Variants in ST3GAL6 observed in about 807,000 individuals in gnomAD.
ST3GAL6 encodes type 2 lactosamine alpha-2,3-sialyltransferase.
In ST3GAL6, 31 loss-of-function variants were observed where a neutral mutation model predicts 40.5. The ratio of observed to expected loss-of-function variants is 0.77; its 90% CI spans 0.58 to 1.03. ST3GAL6 has a LOEUF of 1.03. ST3GAL6 is among the 50% of genes least tolerant of loss of function. The probability of loss-of-function intolerance (pLI) is 0.00; values close to 1 mark genes in which losing one functional copy is unlikely to be tolerated. For synonymous variants in ST3GAL6, 129 were observed against 136.9 expected (o/e 0.94, Z 0.40); for missense variants, 357 against 393.2 (o/e 0.91, Z 0.78).
At chr3:98,733,343 G>A (rs278370) in intron 1 of ST3GAL6, 1 of 1,114,244 alleles carries the variant, frequency 9.0e-7, no homozygotes, top group Non-Finnish European at 1.1e-6. Context: ...GGGGCCGAGA[G>A]AATCTGCTCT....
chr3:98,751,748 T>G (rs1253851672), intron 1 of ST3GAL6, among the ~76,000 whole-genome samples: 1 of 152,236 alleles, frequency 6.6e-6, no homozygotes, highest in Non-Finnish European at 1.5e-5. Context: ...TACCTTACTT[T>G]GCTGAAAGTC....
chr3:98,767,844 A>G (rs1320144238), intron 1 of ST3GAL6, among the ~76,000 whole-genome samples: 1 of 152,230 alleles, frequency 6.6e-6, no homozygotes, highest in African/African-American at 2.4e-5. Context: ...AATATACCTG[A>G]ACTGTGATGT....
intron 1 of ST3GAL6, chr3:98,732,672 A>C: frequency 3.7e-6 from 2 of 541,332 alleles, no homozygotes; most frequent in Non-Finnish European, 6.2e-6. Flanking sequence ...GAGCAGGAGG[A>C]GCTTCCCGCG....
chr3:98,787,306 C>T (rs1012124750), intron 6 of ST3GAL6, among the ~76,000 whole-genome samples: 2 of 152,066 alleles, frequency 1.3e-5, no homozygotes, highest in Admixed American at 6.5e-5. Context: ...TAAGTCTGTT[C>T]GTCTTATATT....
chr3:98,738,765 C>CT (rs1461121285), intron 1 of ST3GAL6, among the ~76,000 whole-genome samples: 1 of 152,188 alleles, frequency 6.6e-6, no homozygotes, highest in Non-Finnish European at 1.5e-5. Context: ...CAGTGGGAGA[C>CT]TTTAACACCC....
At position 98,787,892 on chromosome 3, in the gene ST3GAL6, T is replaced by A. The variant is rs1940875106; in HGVS notation, c.432-144T>A. 12 of 598,576 alleles carry A rather than the reference T, an allele frequency of 2.0e-5. No individual in the cohort carries two copies. The South Asian group carries it at 3.6e-4, about 18-fold the overall frequency. The allele number at this position is 598,576 out of a possible 1,614,324, so 37.1% of individuals were successfully genotyped here. A position where few individuals can be genotyped will look rare whatever the true frequency, so the allele number is the denominator to read the frequency against. On this transcript the variant is annotated intron_variant, in intron 6 of 9. Coordinates refer to ENST00000483910, the MANE Select transcript of ST3GAL6 (RefSeq NM_001323368.2). ...GAATGATCTCCTTGGCCATTATGTG[T>A]GAAAGATTGATCTATTGCTTTGTGG...
rs768324868 is a variant in ST3GAL6 at position 98,763,378 on chromosome 3, C to T, written c.-73C>T. The T allele has an allele frequency of 4.3e-5, 55 of 1,289,704 alleles. No homozygotes were observed. Among genetic ancestry groups the T allele is most frequent in the Admixed American group, 1.1e-4 (5 of 43,546 alleles). 79.9% of individuals were successfully genotyped at this position (1,289,704 alleles called of 1,614,324 possible). On this transcript the variant is annotated 5_prime_UTR_variant, in exon 1 of 10. The change creates a new upstream start codon in the 5' untranslated region. Transcript: ENST00000483910. Reference sequence around the variant, plus strand: ...GACCAGCAGAGACTAGGATGGATGACGGCCTGTCCAGGGGCTGAATGGACA... The same window carrying T: ...GACCAGCAGAGACTAGGATGGATGATGGCCTGTCCAGGGGCTGAATGGACA...
intron 1 of ST3GAL6, among the ~76,000 whole-genome samples, chr3:98,741,968 A>G (rs954955773): frequency 2.6e-5 from 4 of 152,224 alleles, no homozygotes; most frequent in South Asian, 2.1e-4. Context: ...GAGACATCCA[A>G]TGAGAAGAGT....
chr3:98,787,794 A>C (rs1213935342), intron 6 of ST3GAL6, among the ~76,000 whole-genome samples: 2 of 152,222 alleles, frequency 1.3e-5, no homozygotes, highest in African/African-American at 4.8e-5. Context: ...CTGAATTATC[A>C]TTGGCTCCAC....
intron 8 of ST3GAL6, among the ~76,000 whole-genome samples, chr3:98,790,712 G>A (rs994431777): frequency 2.6e-5 from 4 of 152,102 alleles, no homozygotes; most frequent in Non-Finnish European, 4.4e-5. Flanking sequence ...ATAAGAGTTT[G>A]TCAGGTGGTA....
intron 1 of ST3GAL6, among the ~76,000 whole-genome samples, chr3:98,755,837 C>T (rs146050659): frequency 4.6e-5 from 7 of 151,418 alleles, no homozygotes; most frequent in East Asian, 1.9e-4. Context: ...AAGTAGCCCA[C>T]GGCACATTTT....
At chr3:98,793,215 T>TA (rs779868655) in intron 9 of ST3GAL6, among the ~76,000 whole-genome samples, 6 of 152,214 alleles carry the variant, frequency 3.9e-5, no homozygotes, top group Non-Finnish European at 7.4e-5. Flanking sequence ...AGCAGAATAT[T>TA]AAAACAACTT....
intron 1 of ST3GAL6, among the ~76,000 whole-genome samples, chr3:98,736,722 G>C (rs1205136857): frequency 2.6e-5 from 4 of 152,228 alleles, no homozygotes; most frequent in Admixed American, 6.5e-5. Context: ...TTGGGAGCGT[G>C]CCGTGTTGGA....
intron 1 of ST3GAL6, among the ~76,000 whole-genome samples, chr3:98,752,042 C>T (rs1937045773): frequency 6.6e-6 from 1 of 151,994 alleles, no homozygotes; most frequent in African/African-American, 2.4e-5. Context: ...TAACAGAGAC[C>T]ATAGCAGCAG....
chr3:98,788,105 T>C lies in ST3GAL6; in HGVS notation c.501T>C (p.Tyr167=), dbSNP rs1210288979. 1 of 1,614,038 alleles carries C rather than the reference T, an allele frequency of 6.2e-7. No homozygotes were observed. The highest frequency in any genetic ancestry group is 2.2e-5 in the East Asian group (1 of 44,858). ...VGRRTTFRLF[Y]PESVFSDPIH... ...GAAGGACAACCTTCCGACTTTTTTA[T>C]CCAGAATCTGTTTTTTCAGATCCTA... The change falls in exon 7 of 10, where the codon TAT becomes TAC. Residue 167 remains tyrosine, a synonymous_variant. Coordinates refer to ENST00000483910, the MANE Select transcript of ST3GAL6 (RefSeq NM_001323368.2).
At chr3:98,764,371 A>G (rs1938111379) in intron 1 of ST3GAL6, among the ~76,000 whole-genome samples, 1 of 152,136 alleles carries the variant, frequency 6.6e-6, no homozygotes, top group African/African-American at 2.4e-5. Flanking sequence ...TTTTATAAAC[A>G]ATGCTAGCAT....
intron 1 of ST3GAL6, among the ~76,000 whole-genome samples, chr3:98,752,899 G>A (rs1398513916): frequency 1.3e-5 from 2 of 152,222 alleles, no homozygotes; most frequent in Admixed American, 1.3e-4. Context: ...TTTTTTCCCT[G>A]TTTTTCTTCC....
chr3:98,791,752 C>A, intron 8 of ST3GAL6, 89 bp from the exon 9 acceptor site: 2 of 1,185,166 alleles, frequency 1.7e-6, no homozygotes, highest in Non-Finnish European at 2.4e-6. Context: ...TTTAGAAATC[C>A]CTGTTTTATA....
chr3:98,795,450 C>T lies in ST3GAL6; in HGVS notation c.*1689C>T, dbSNP rs1488199648. On this transcript the variant is annotated 3_prime_UTR_variant, in exon 10 of 10. Coordinates refer to ENST00000483910, the MANE Select transcript of ST3GAL6 (RefSeq NM_001323368.2). ...GCAGAGTCCCACAGTTTTGATTCCT[C>T]TTATAACTTTTTGAGGTGCAAAAGG... The T allele has an allele frequency of 6.6e-6, 1 of 152,174 alleles. No individual in the cohort carries two copies. The highest frequency in any genetic ancestry group is 2.4e-5 in the African/African-American group (1 of 41,436). 9.4% of individuals were successfully genotyped at this position (152,174 alleles called of 1,614,324 possible). A position where few individuals can be genotyped will look rare whatever the true frequency, so the allele number is the denominator to read the frequency against.
Sources: gnomAD v4.1 joint callset for allele counts (sites outside exome capture counted in the v4.1 genomes callset) on GRCh38, gnomAD v4.1.1 for gene constraint, MANE v1.5 for transcripts, NCBI Gene and HGNC (gene_info 2026-07-23, HGNC 2026-07-21) for gene names.